The following IQCH variants were observed in gnomAD, a reference collection of about 807,000 sequenced individuals.
IQCH encodes the protein IQ domain-containing protein H.
IQCH carries 98 observed loss-of-function variants against 117.0 expected under a neutral mutation model. That is an observed-to-expected ratio of 0.84 (90% CI 0.71 to 0.99). The LOEUF (loss-of-function observed/expected upper bound fraction) is 0.99, where lower values mean the gene tolerates loss of function less well. Ranked by LOEUF, IQCH falls within the 50% of genes least tolerant of loss-of-function variation. The pLI, the probability that IQCH is intolerant of heterozygous loss-of-function variation, is 0.00. For synonymous variants in IQCH, 412 were observed against 448.2 expected (o/e 0.92, Z 1.02); for missense variants, 1,102 against 1,243.8 (o/e 0.89, Z 1.72).
At position 67,454,357 on chromosome 15, in the gene IQCH, C is replaced by T. The variant is rs528116603; in HGVS notation, c.2506-10770C>T. ...GCTGTAGACCGGAGCTGTTCGTATT[C>T]GGCCATCTTGGCTCTGGTCTTGATC... On this transcript the variant is annotated intron_variant, in intron 16 of 20. Transcript: ENST00000335894. This position sits in a 1 kb window ranked among gnomAD's most constrained non-coding sequence, Gnocchi z 5.2. Among the ~76,000 whole-genome samples, 47 of 152,326 alleles carry T rather than the reference C, an allele frequency of 3.1e-4. No homozygotes were observed. Among genetic ancestry groups the T allele is most frequent in the African/African-American group, 1.1e-3 (44 of 41,582 alleles).
At chr15:67,448,045 C>T (rs1382219066) in intron 16 of IQCH, among the ~76,000 whole-genome samples, 3 of 151,930 alleles carry the variant, frequency 2.0e-5, no homozygotes, top group East Asian at 1.9e-4. Flanking sequence ...ACTCAGAAGG[C>T]GGTTTGGGAG....
In IQCH at chr15:67,454,743, T is replaced by C. The variant is rs757065296; in HGVS notation, c.2506-10384T>C. ...TAGCATATATCAATGCTTTGTTCCT[T>C]TTCATGGCTTAATAATATCCCATTG... On this transcript the variant is annotated intron_variant, in intron 16 of 20. Coordinates refer to ENST00000335894, the MANE Select transcript of IQCH (RefSeq NM_001031715.3). This position sits in a 1 kb window ranked among gnomAD's most constrained non-coding sequence, Gnocchi z 5.2. Among the ~76,000 whole-genome samples the C allele has an allele frequency of 1.3e-5, 2 of 152,250 alleles. No individual in the cohort carries two copies. Among genetic ancestry groups the C allele is most frequent in the Non-Finnish European group, 2.9e-5 (2 of 68,050 alleles).
intron 3 of IQCH, among the ~76,000 whole-genome samples, chr15:67,264,402 G>A (rs8026169): frequency 1.3e-5 from 2 of 152,206 alleles, no homozygotes; most frequent in Non-Finnish European, 2.9e-5. Flanking sequence ...TCTCTCACAG[G>A]CTGCAATATA....
chr15:67,270,157 T>C (rs565509050), intron 3 of IQCH, among the ~76,000 whole-genome samples: 2 of 152,336 alleles, frequency 1.3e-5, no homozygotes, highest in Admixed American at 1.3e-4. Flanking sequence ...AAGATCATGT[T>C]GTCTATGAAC....
At chr15:67,328,445 A>C (rs146791345) in intron 4 of IQCH, among the ~76,000 whole-genome samples, 1 of 152,302 alleles carries the variant, frequency 6.6e-6, no homozygotes, top group African/African-American at 2.4e-5. Context: ...ATAGTATACA[A>C]ATAATTACAA....
rs561631369 is a variant in IQCH, at chr15:67,422,411, C to T, written c.2505+834C>T. On this transcript the variant is annotated intron_variant, in intron 16 of 20. Transcript: ENST00000335894. This position sits in a 1 kb window ranked among gnomAD's most constrained non-coding sequence, Gnocchi z 4.7. ...ATAATAATATAATCAATATCATGTG[C>T]CCCTGCCCAGCTTAAGAAACAAAGT... Among the ~76,000 whole-genome samples, 2 of 152,126 alleles carry T rather than the reference C, an allele frequency of 1.3e-5. No homozygotes were observed. Among genetic ancestry groups the T allele is most frequent in the South Asian group, 2.1e-4 (1 of 4,820 alleles).
chr15:67,440,925 G>A (rs548829623), intron 16 of IQCH, among the ~76,000 whole-genome samples: 1 of 152,086 alleles, frequency 6.6e-6, no homozygotes, highest in South Asian at 2.1e-4. Context: ...AAGTCAAACT[G>A]TCACTGTTTG....
At chr15:67,267,708 T>C (rs1965733409) in intron 3 of IQCH, among the ~76,000 whole-genome samples, 1 of 152,200 alleles carries the variant, frequency 6.6e-6, no homozygotes. Flanking sequence ...AGATCTCTGT[T>C]TGTTCCTTTG....
chr15:67,468,345 A>G (rs564450377), intron 17 of IQCH, among the ~76,000 whole-genome samples: 29 of 152,334 alleles, frequency 1.9e-4, no homozygotes, highest in African/African-American at 7.0e-4. Context: ...TGATGTTAAT[A>G]ATGATTCTGT....
chr15:67,280,328 A>G (rs1428852233), intron 4 of IQCH, among the ~76,000 whole-genome samples: 1 of 136,264 alleles, frequency 7.3e-6, no homozygotes, highest in African/African-American at 2.6e-5. Context: ...GTGTTCTCTC[A>G]ATTCTGTTTT....
intron 16 of IQCH, among the ~76,000 whole-genome samples, chr15:67,434,371 A>G (rs1367359887): frequency 6.6e-6 from 1 of 152,104 alleles, no homozygotes; most frequent in Non-Finnish European, 1.5e-5. Context: ...TTAGCATATT[A>G]TCCTCCAGGT....
chr15:67,301,901 A>G (rs1967063520), intron 4 of IQCH, among the ~76,000 whole-genome samples: 1 of 152,210 alleles, frequency 6.6e-6, no homozygotes, highest in Non-Finnish European at 1.5e-5. Flanking sequence ...ACAATAAAGA[A>G]TTGATAGTAC....
rs1248429791 is a variant in IQCH at position 67,401,828 on chromosome 15, T to C, written c.2097+1523T>C. ...AAAATGTATTTAATTTTGAGGCCCA[T>C]AGAGATTTCCCTTATATTCTCTTTG... On this transcript the variant is annotated intron_variant, in intron 14 of 20. Coordinates refer to ENST00000335894, the MANE Select transcript of IQCH (RefSeq NM_001031715.3). The surrounding 1 kb of genome is among the most constrained non-coding windows in gnomAD (Gnocchi z 4.7). Among the ~76,000 whole-genome samples, 2 of 152,216 alleles carry C rather than the reference T, an allele frequency of 1.3e-5. No homozygotes were observed. Among genetic ancestry groups the C allele is most frequent in the African/African-American group, 4.8e-5 (2 of 41,454 alleles).
chr15:67,487,105 G>A (rs2083504246), intron 18 of IQCH, among the ~76,000 whole-genome samples: 1 of 152,204 alleles, frequency 6.6e-6, no homozygotes, highest in Non-Finnish European at 1.5e-5. Flanking sequence ...GGCCAAGGCG[G>A]GTGGATCACC....
chr15:67,352,592 T>C lies in IQCH; in HGVS notation c.638-4753T>C, dbSNP rs559107294. ...TTGTCAGCACATTCAATATATTATT[T>C]CATTGTTTTCTAGCAATTATATCTG... On this transcript the variant is annotated intron_variant, in intron 6 of 20. Transcript: ENST00000335894. Among the ~76,000 whole-genome samples, 8 of 151,944 alleles carry C rather than the reference T, an allele frequency of 5.3e-5. No homozygotes were observed. In the South Asian group the frequency reaches 1.7e-3, roughly 32 times the overall value.
chr15:67,299,144 T>C (rs1352593243), intron 4 of IQCH, among the ~76,000 whole-genome samples: 2 of 151,318 alleles, frequency 1.3e-5, no homozygotes, highest in South Asian at 2.1e-4. Flanking sequence ...GAGATCATTA[T>C]GTTAAGTGAA....
chr15:67,356,062 G>A lies in IQCH; in HGVS notation c.638-1283G>A, dbSNP rs181614608. ...AGAACCTGAAAGTTAAACAAAAATT[G>A]TACTGAGTCTGCAGACAATAGGAAT... On this transcript the variant is annotated intron_variant, in intron 6 of 20. Transcript: ENST00000335894. The surrounding 1 kb of genome is among the most constrained non-coding windows in gnomAD (Gnocchi z 5.3). Among the ~76,000 whole-genome samples the A allele has an allele frequency of 4.6e-5, 7 of 152,244 alleles. No individual in the cohort carries two copies. In the East Asian group the frequency reaches 1.3e-3, roughly 29 times the overall value.
rs1398118518 is a variant in IQCH at position 67,417,705 on chromosome 15, A to G, written c.2218+654A>G. On this transcript the variant is annotated intron_variant, in intron 15 of 20. Transcript: ENST00000335894. The surrounding 1 kb of genome is among the most constrained non-coding windows in gnomAD (Gnocchi z 4.3). Reference sequence around the variant, plus strand: ...TGAATGGAGTGAATGATGCCTGTCTACCGTCTCAGAGGTCCCTGTCAGATG... The same window carrying G: ...TGAATGGAGTGAATGATGCCTGTCTGCCGTCTCAGAGGTCCCTGTCAGATG... Among the ~76,000 whole-genome samples, 1 of 152,006 alleles carries G rather than the reference A, an allele frequency of 6.6e-6. No homozygotes were observed.
intron 16 of IQCH, among the ~76,000 whole-genome samples, chr15:67,452,870 C>T (rs572101745): frequency 1.3e-5 from 2 of 152,290 alleles, no homozygotes; most frequent in Non-Finnish European, 2.9e-5. Flanking sequence ...ACCAATCAGA[C>T]GTAGATTTGG....
Sources: gnomAD v4.1 joint callset for allele counts (sites outside exome capture counted in the v4.1 genomes callset) on GRCh38, gnomAD v4.1.1 for gene constraint, Gnocchi (gnomAD v3.1) non-coding constraint, MANE v1.5 for transcripts, NCBI Gene and HGNC (gene_info 2026-07-23, HGNC 2026-07-21) for gene names.